Variants in GABRA2 observed in about 807,000 individuals in gnomAD.
GABRA2 encodes gamma-aminobutyric acid receptor subunit alpha-2.
Under a neutral mutation model 48.7 loss-of-function variants are expected in GABRA2, and 16 were observed. The ratio of observed to expected loss-of-function variants is 0.33; its 90% CI spans 0.22 to 0.50. The LOEUF (loss-of-function observed/expected upper bound fraction) is 0.50. Ranked by LOEUF, GABRA2 falls within the 20% of genes least tolerant of loss-of-function variation. The pLI, the probability that GABRA2 is intolerant of heterozygous loss-of-function variation, is 0.98. For missense variants in GABRA2, 275 were observed against 535.6 expected (o/e 0.51, Z 4.80); for synonymous variants, 185 against 184.5 (o/e 1.00, Z -0.02).
At chr4:46,273,536 T>TATGA (rs1188993346) in intron 8 of GABRA2, among the ~76,000 whole-genome samples, 4 of 26,824 alleles carry the variant, frequency 1.5e-4, no homozygotes, top group African/African-American at 1.6e-4. Flanking sequence ...TATATATATA[T>TATGA]GAGAGAGAGA....
At chr4:46,359,840 C>A (rs1207937013) in intron 3 of GABRA2, among the ~76,000 whole-genome samples, 2 of 151,688 alleles carry the variant, frequency 1.3e-5, no homozygotes, top group Admixed American at 6.6e-5. Context: ...TGGCGTGAAC[C>A]TGGGAGGCAG....
At chr4:46,352,150 C>T (rs1445470353) in intron 3 of GABRA2, among the ~76,000 whole-genome samples, 1 of 151,990 alleles carries the variant, frequency 6.6e-6, no homozygotes, top group Non-Finnish European at 1.5e-5. Context: ...GACGGTTAGA[C>T]TTTTGCTGTA....
chr4:46,314,177 T>G (rs1338440490), intron 4 of GABRA2, among the ~76,000 whole-genome samples: 3 of 152,164 alleles, frequency 2.0e-5, no homozygotes, highest in African/African-American at 7.2e-5. Flanking sequence ...GATGAGTCTT[T>G]GCACTGCAAG....
chr4:46,349,524 A>G (rs951478112), intron 3 of GABRA2, among the ~76,000 whole-genome samples: 3 of 151,984 alleles, frequency 2.0e-5, no homozygotes, highest in African/African-American at 7.2e-5. Flanking sequence ...TTTAGATGCT[A>G]AAAAACATAG....
intron 3 of GABRA2, 146 bp downstream of exon 3, chr4:46,385,928 T>A (rs1717385019): frequency 1.7e-6 from 1 of 593,352 alleles, no homozygotes; most frequent in Non-Finnish European, 2.9e-6. Context: ...CAGACAATAT[T>A]TTTTCATATA....
chr4:46,273,502 CATATATAT>C lies in GABRA2; in HGVS notation c.857-11382_857-11375del, dbSNP rs71637683. ...ATATATGCATATATATATATATATG[CATATATAT>C]ATATATATATATATATATATATATA... is the stretch of plus-strand genomic sequence containing the variant. On this transcript the variant is annotated intron_variant, in intron 8 of 9. Transcript: ENST00000381620. 4.0e-3 allele frequency among the ~76,000 whole-genome samples: 193 copies of C among 48,132 alleles called. 1 individual carries two copies. The highest frequency in any genetic ancestry group is 6.3e-3 in the Non-Finnish European group (155 of 24,682). 31.6% of individuals were successfully genotyped at this position (48,132 alleles called of 152,430 possible). A position where few individuals can be genotyped will look rare whatever the true frequency, so the allele number is the denominator to read the frequency against.
chr4:46,263,104 T>C (rs1717388306), intron 8 of GABRA2, among the ~76,000 whole-genome samples: 1 of 152,024 alleles, frequency 6.6e-6, no homozygotes, highest in East Asian at 1.9e-4. Context: ...TACATGTATG[T>C]ACATATATGT....
At chr4:46,371,712 A>G (rs193285987) in intron 3 of GABRA2, among the ~76,000 whole-genome samples, 1 of 152,328 alleles carries the variant, frequency 6.6e-6, no homozygotes, top group East Asian at 1.9e-4. Flanking sequence ...TATATTTACG[A>G]ACAATTTTGT....
At chr4:46,342,019 G>A (rs1733325216) in intron 3 of GABRA2, among the ~76,000 whole-genome samples, 1 of 151,998 alleles carries the variant, frequency 6.6e-6, no homozygotes, top group Non-Finnish European at 1.5e-5. Context: ...ACAGTTTGCT[G>A]GTGATGGGAG....
intron 9 of GABRA2, among the ~76,000 whole-genome samples, chr4:46,252,619 G>A (rs1715011895): frequency 6.6e-6 from 1 of 151,418 alleles, no homozygotes; most frequent in Non-Finnish European, 1.5e-5. Context: ...ATGATTTTTG[G>A]TCTGAGGAAG....
At chr4:46,305,044 G>A (rs1726423416) in intron 7 of GABRA2, among the ~76,000 whole-genome samples, 1 of 151,658 alleles carries the variant, frequency 6.6e-6, no homozygotes, top group South Asian at 2.1e-4. Context: ...AAACTTCAAT[G>A]CAACTATTAA....
intron 3 of GABRA2, among the ~76,000 whole-genome samples, chr4:46,371,148 T>G (rs1445862201): frequency 6.6e-6 from 1 of 152,168 alleles, no homozygotes; most frequent in Non-Finnish European, 1.5e-5. Context: ...CTTTTTCTCC[T>G]CTTAGCAAGT....
chr4:46,258,680 G>C (rs1365600106), intron 9 of GABRA2, among the ~76,000 whole-genome samples: 1 of 151,694 alleles, frequency 6.6e-6, no homozygotes, highest in Non-Finnish European at 1.5e-5. Context: ...GGATGTGAGG[G>C]AAGAAAGCAG....
At chr4:46,266,947 C>A (rs908450441) in intron 8 of GABRA2, among the ~76,000 whole-genome samples, 1 of 151,982 alleles carries the variant, frequency 6.6e-6, no homozygotes, top group African/African-American at 2.4e-5. Flanking sequence ...TGGTCCTGAA[C>A]TCCTGACCTC....
chr4:46,266,664 A>T (rs526608), intron 8 of GABRA2, among the ~76,000 whole-genome samples: 76,330 of 148,932 alleles, frequency 0.51, 20,508 homozygotes, highest in South Asian at 0.76. Flanking sequence ...ATGTGCTGAT[A>T]GATGGTTTTC....
intron 3 of GABRA2, 31 bp downstream of exon 3, chr4:46,386,043 G>A (rs200089639): frequency 1.6e-5 from 21 of 1,336,448 alleles, no homozygotes; most frequent in African/African-American, 7.3e-5. Flanking sequence ...ATTATTTTAC[G>A]AGAGTTTTAA....
At chr4:46,304,673 TA>T (rs1726334981) in intron 7 of GABRA2, among the ~76,000 whole-genome samples, 2 of 152,046 alleles carry the variant, frequency 1.3e-5, no homozygotes, top group South Asian at 4.2e-4. Flanking sequence ...CTCACGTCTG[TA>T]ATCCCAGCAC....
chr4:46,265,598 G>T (rs919098047), intron 8 of GABRA2, among the ~76,000 whole-genome samples: 1 of 150,342 alleles, frequency 6.7e-6, no homozygotes, highest in East Asian at 2.0e-4. Context: ...GTGGCTAAAA[G>T]TAAGTCAATG....
chr4:46,376,351 C>T lies in GABRA2; in HGVS notation c.187+9723G>A, dbSNP rs1015026413. On this transcript the variant is annotated intron_variant, in intron 3 of 9. Coordinates refer to ENST00000381620, the MANE Select transcript of GABRA2 (RefSeq NM_000807.4). ...AAATGGATCAGTCATGCTTATGGTCCAATTTATCCACTGTGTATTAAGGGG... is the reference window on the plus strand; with the variant it reads ...AAATGGATCAGTCATGCTTATGGTCTAATTTATCCACTGTGTATTAAGGGG... 2.6e-5 allele frequency among the ~76,000 whole-genome samples: 4 copies of T among 152,096 alleles called. No homozygotes were observed. In the East Asian group the frequency reaches 7.7e-4, roughly 29 times the overall value.
Sources: gnomAD v4.1 joint callset for allele counts (sites outside exome capture counted in the v4.1 genomes callset) on GRCh38, gnomAD v4.1.1 for gene constraint, MANE v1.5 for transcripts, NCBI Gene and HGNC (gene_info 2026-07-23, HGNC 2026-07-21) for gene names.